TPO: variants seen among roughly 807,000 people sequenced by gnomAD.
TPO encodes the protein thyroid microsomal antigen.
In TPO, 78 loss-of-function variants were observed where a neutral mutation model predicts 96.9. The ratio of observed to expected loss-of-function variants is 0.81; its 90% CI spans 0.67 to 0.97. The LOEUF (loss-of-function observed/expected upper bound fraction) is 0.97. TPO is among the 50% of genes least tolerant of loss of function. The pLI, the probability that TPO is intolerant of heterozygous loss-of-function variation, is 0.00. For missense variants in TPO, 1,252 were observed against 1,274.8 expected (o/e 0.98, Z 0.27); for synonymous variants, 547 against 538.0 (o/e 1.02, Z -0.23).
intron 15 of TPO, among the ~76,000 whole-genome samples, chr2:1,534,808 C>T (rs73909621): frequency 8.9e-6 from 1 of 111,828 alleles, no homozygotes; most frequent in African/African-American, 3.7e-5. Flanking sequence ...CTCCCCAAAT[C>T]CCCCCCACTG....
chr2:1,385,543 A>T (rs1156529764), intron 1 of TPO, among the ~76,000 whole-genome samples: 4 of 151,242 alleles, frequency 2.6e-5, no homozygotes, highest in Non-Finnish European at 4.4e-5. Context: ...TTTCTGTGGG[A>T]TCGGTGGTGA....
At chr2:1,477,988 G>C (rs1670148700) in intron 8 of TPO, 3 of 985,386 alleles carry the variant, frequency 3.0e-6, no homozygotes, top group Non-Finnish European at 3.6e-6. Flanking sequence ...GCCAAGCTAC[G>C]TGCTTTACAG....
chr2:1,380,286 C>T (rs538532775), intron 1 of TPO, among the ~76,000 whole-genome samples: 31 of 149,774 alleles, frequency 2.1e-4, no homozygotes, highest in Admixed American at 1.5e-3. Context: ...CCCAGCTACT[C>T]GGGAGGCTGA....
At chr2:1,391,976 C>T (rs1220434821) in intron 1 of TPO, among the ~76,000 whole-genome samples, 3 of 152,150 alleles carry the variant, frequency 2.0e-5, no homozygotes, top group Admixed American at 1.3e-4. Flanking sequence ...GACAATTTGA[C>T]TTCCTCTTTT....
At chr2:1,503,922 C>A (rs369408259) in intron 13 of TPO, 26 bp from the exon 14 acceptor site, 1 of 1,614,138 alleles carries the variant, frequency 6.2e-7, no homozygotes, top group Non-Finnish European at 8.5e-7. Flanking sequence ...CTTCCTCTCA[C>A]GTGTGTGGCC....
intron 3 of TPO, among the ~76,000 whole-genome samples, chr2:1,432,641 CT>C (rs1665119556): frequency 8.7e-6 from 1 of 115,532 alleles, no homozygotes; most frequent in Non-Finnish European, 1.7e-5. Flanking sequence ...GAGGGGAGGC[CT>C]GCAGGTGAGG....
At chr2:1,529,665 C>T (rs1167749236) in intron 15 of TPO, among the ~76,000 whole-genome samples, 2 of 47,350 alleles carry the variant, frequency 4.2e-5, no homozygotes, top group Admixed American at 5.7e-4. Context: ...CCTCCTATCA[C>T]CCCCACTGTG....
At chr2:1,421,401 G>C (rs1424085769) in intron 2 of TPO, among the ~76,000 whole-genome samples, 1 of 152,196 alleles carries the variant, frequency 6.6e-6, no homozygotes, top group Non-Finnish European at 1.5e-5. Flanking sequence ...CTGCAGCTAG[G>C]AGAGAAAACC....
At chr2:1,493,510 AGCC>A (rs1672006004) in intron 10 of TPO, among the ~76,000 whole-genome samples, 1 of 91,460 alleles carries the variant, frequency 1.1e-5, no homozygotes, top group Admixed American at 1.3e-4. Flanking sequence ...GGAATATCCT[AGCC>A]TGGCAAACTG....
intron 4 of TPO, among the ~76,000 whole-genome samples, 159 bp from the exon 5 acceptor site, chr2:1,436,093 A>C (rs562109047): frequency 6.6e-6 from 1 of 152,198 alleles, no homozygotes; most frequent in African/African-American, 2.4e-5. Flanking sequence ...TGAGCACTTG[A>C]TGTAAAGGGA....
intron 1 of TPO, among the ~76,000 whole-genome samples, chr2:1,381,085 A>G: frequency 6.6e-6 from 1 of 152,204 alleles, no homozygotes; most frequent in East Asian, 1.9e-4. Flanking sequence ...TCAAGGTAAT[A>G]CCATTCAGGA....
intron 10 of TPO, among the ~76,000 whole-genome samples, chr2:1,489,055 C>CGCACATGCCCG (rs1491584558): frequency 2.6e-5 from 4 of 151,448 alleles, no homozygotes; most frequent in South Asian, 2.1e-4. Flanking sequence ...AGCACACACC[C>CGCACATGCCCG]GCACATGCCC....
At chr2:1,409,776 A>G (rs1481526053), upstream of TPO, among the ~76,000 whole-genome samples, 1 of 135,718 alleles carries the variant, frequency 7.4e-6, no homozygotes, top group African/African-American at 2.8e-5. Context: ...AAATTTAAAA[A>G]TACAAAAAAC....
intron 13 of TPO, among the ~76,000 whole-genome samples, chr2:1,499,774 T>C (rs1176622382): frequency 6.6e-6 from 1 of 152,246 alleles, no homozygotes; most frequent in African/African-American, 2.4e-5. Flanking sequence ...TCTAGTTCAC[T>C]AACTTGGGCC....
At chr2:1,512,509 C>T (rs944796758) in intron 14 of TPO, 1 of 982,814 alleles carries the variant, frequency 1.0e-6, no homozygotes, top group African/African-American at 1.7e-5. Flanking sequence ...GGATGTGATG[C>T]TTGCATGGTG....
intron 1 of TPO, among the ~76,000 whole-genome samples, chr2:1,392,108 A>G (rs934226800): frequency 1.3e-5 from 2 of 152,192 alleles, no homozygotes; most frequent in African/African-American, 4.8e-5. Context: ...TTCAAAGGGA[A>G]TGCTTCCAAT....
chr2:1,459,946 CTTT>C (rs142248718), intron 7 of TPO, among the ~76,000 whole-genome samples: 276 of 140,032 alleles, frequency 2.0e-3, no homozygotes, highest in Non-Finnish European at 2.7e-3. Flanking sequence ...TTCTTTCTTT[CTTT>C]TTTTTTTTTT....
chr2:1,382,843 A>G (rs1428256619), intron 1 of TPO, among the ~76,000 whole-genome samples: 1 of 151,656 alleles, frequency 6.6e-6, no homozygotes, highest in Non-Finnish European at 1.5e-5. Flanking sequence ...CGTCATTTAC[A>G]TTAGGTATAT....
At position 1,516,918 on chromosome 2, in the gene TPO, A is replaced by G. The variant is rs774831209; in HGVS notation, c.2554A>G (p.Met852Val). ...GCTCCCTCGGGTGACTTGGATCTCC[A>G]TGTCGCTGGCTGCTCTGCTGATCGG... ...GRLPRVTWIS[M>V]SLAALLIGGF... is the part of the protein sequence containing the mutation. Residue 852 changes from methionine to valine, a missense_variant, in exon 15 of 17, where the codon ATG (methionine) becomes GTG (valine). Met to Val is a conservative substitution (Grantham distance 21). Coordinates refer to ENST00000329066, the MANE Select transcript of TPO (RefSeq NM_001206744.2). The G allele has an allele frequency of 1.9e-6, 3 of 1,613,966 alleles. No individual in the cohort carries two copies. Among genetic ancestry groups the G allele is most frequent in the Non-Finnish European group, 1.7e-6 (2 of 1,180,028 alleles).
Sources: gnomAD v4.1 joint callset for allele counts (sites outside exome capture counted in the v4.1 genomes callset) on GRCh38, gnomAD v4.1.1 for gene constraint, MANE v1.5 for transcripts, NCBI Gene and HGNC (gene_info 2026-07-23, HGNC 2026-07-21) for gene names.